The following TTC12 variants were observed in gnomAD, a reference collection of about 807,000 sequenced individuals.
TTC12 encodes tetratricopeptide repeat domain 12.
In TTC12, 70 loss-of-function variants were observed where a neutral mutation model predicts 90.1. That is an observed-to-expected ratio of 0.78 (90% confidence interval 0.64 to 0.95). The LOEUF (loss-of-function observed/expected upper bound fraction) is 0.95. TTC12 is among the 40% of genes least tolerant of loss of function. The probability of loss-of-function intolerance (pLI) is 0.00; values close to 1 mark genes in which losing one functional copy is unlikely to be tolerated. For synonymous variants in TTC12, 296 were observed against 311.5 expected (o/e 0.95, Z 0.53); for missense variants, 819 against 846.1 (o/e 0.97, Z 0.40).
chr11:113,354,830 T>C (rs1013158158), intron 16 of TTC12, among the ~76,000 whole-genome samples: 3 of 152,190 alleles, frequency 2.0e-5, no homozygotes, highest in African/African-American at 7.2e-5. Flanking sequence ...ATGGATGAGC[T>C]TTTTGATGTG....
At position 113,351,225 on chromosome 11, in the gene TTC12, T is replaced by C; in HGVS notation, c.1248-14T>C. On this transcript the variant is annotated splice_polypyrimidine_tract_variant and intron_variant, in intron 14 of 21. Transcript: ENST00000529221. ...CAATGTAAAAATAAATCCTGGCTGA[T>C]GGTTTCTCAACAGATTCCAAGTCTG... The C allele has an allele frequency of 1.2e-6, 2 of 1,613,278 alleles. No individual in the cohort carries two copies. The highest frequency in any genetic ancestry group is 2.2e-5 in the South Asian group (2 of 91,070).
intron 15 of TTC12, among the ~76,000 whole-genome samples, chr11:113,351,654 T>C (rs1285285428): frequency 2.6e-5 from 4 of 152,190 alleles, no homozygotes; most frequent in Non-Finnish European, 5.9e-5. Flanking sequence ...TGTAGCAATT[T>C]GAGCTGATAA....
chr11:113,350,277 A>C, intron 14 of TTC12, 112 bp downstream of exon 14: 5 of 797,002 alleles, frequency 6.3e-6, no homozygotes, highest in East Asian at 2.7e-5. Flanking sequence ...CCAAGTGAGT[A>C]TTGCAAGATT....
In TTC12 at chr11:113,344,318, GT is replaced by G; in HGVS notation, c.1034del (p.Leu345TrpfsTer32). 6.2e-7 allele frequency: 1 copy of G among 1,614,178 alleles called. No individual in the cohort carries two copies. Among genetic ancestry groups the G allele is most frequent in the Non-Finnish European group, 8.5e-7 (1 of 1,179,996 alleles). On this transcript the variant is annotated frameshift_variant, in exon 13 of 22. Transcript: ENST00000529221. LOFTEE classifies it high-confidence loss of function. ...TGATACACCATGACAGGGCCAGGCTGTTGGCCGCCCTCTTGTCCTCCAAGGT... is the reference window on the plus strand; with the variant it reads ...TGATACACCATGACAGGGCCAGGCTGTGGCCGCCCTCTTGTCCTCCAAGGT... ...LVIHHDRARL[L>X]AALLSSKVLA...
chr11:113,370,614 T>A (rs568143294), downstream of TTC12, among the ~76,000 whole-genome samples: 1 of 152,264 alleles, frequency 6.6e-6, no homozygotes, highest in Non-Finnish European at 1.5e-5. Context: ...GATTTTGCCC[T>A]GGGGCTGGAT....
Position 113,329,984 on chromosome 11 carries a change from G to C in TTC12, c.504+5G>C. The C allele has an allele frequency of 6.2e-7, 1 of 1,611,586 alleles. No homozygotes were observed. The highest frequency in any genetic ancestry group is 8.5e-7 in the Non-Finnish European group (1 of 1,177,640). ...GATTGTGAGTGGGCTCTCAAGGTAA[G>C]AGGGTATTTCTTTTCCCACATGATA... On this transcript the variant is annotated splice_donor_5th_base_variant and intron_variant, in intron 7 of 21. Transcript: ENST00000529221.
At chr11:113,334,932 T>C (rs782222623) in intron 7 of TTC12, 34 bp from the exon 8 acceptor site, 6 of 1,579,710 alleles carry the variant, frequency 3.8e-6, no homozygotes, top group Non-Finnish European at 5.2e-6. Context: ...TCACATCTTC[T>C]AAAACTTCTG....
At chr11:113,349,377 T>G (rs868977232) in intron 13 of TTC12, among the ~76,000 whole-genome samples, 1 of 152,236 alleles carries the variant, frequency 6.6e-6, no homozygotes, top group African/African-American at 2.4e-5. Flanking sequence ...AATGCAAGTT[T>G]GCTGGATGAA....
At chr11:113,364,753 C>G in intron 20 of TTC12, 82 bp from the exon 21 acceptor site, 1 of 1,141,338 alleles carries the variant, frequency 8.8e-7, no homozygotes, top group South Asian at 1.3e-5. Flanking sequence ...GCTGACATCT[C>G]CCTGCACCCC....
chr11:113,322,697 C>T (rs1555139052), intron 2 of TTC12, among the ~76,000 whole-genome samples: 3 of 152,118 alleles, frequency 2.0e-5, no homozygotes. Context: ...CATAGCATTC[C>T]TAATGCAGAC....
At chr11:113,367,694 G>A (rs916053062), downstream of TTC12, among the ~76,000 whole-genome samples, 1 of 146,224 alleles carries the variant, frequency 6.8e-6, no homozygotes, top group African/African-American at 2.6e-5. Flanking sequence ...TTTCTGAAAC[G>A]GAGATAAATA....
chr11:113,363,844 C>A lies in TTC12; in HGVS notation c.1733C>A (p.Ala578Glu). 1 of 1,611,924 alleles carries A rather than the reference C, an allele frequency of 6.2e-7. No homozygotes were observed. The highest frequency in any genetic ancestry group is 8.5e-7 in the Non-Finnish European group (1 of 1,178,216). The change falls in exon 20 of 22, where the codon GCA (alanine) becomes GAA (glutamate). Residue 578 changes from alanine (A) to glutamate (E), a missense_variant. Coordinates refer to ENST00000529221, the MANE Select transcript of TTC12 (RefSeq NM_017868.4). ...MKFLKTGGET[A>E]SRYAIKILAI... Reference sequence around the variant, plus strand: ...GAAATCTAGACAGGAGGTGAGACTGCATCACGTTATGCTATAAAGATACTA... The same window carrying A: ...GAAATCTAGACAGGAGGTGAGACTGAATCACGTTATGCTATAAAGATACTA...
intron 3 of TTC12, among the ~76,000 whole-genome samples, chr11:113,323,739 C>T (rs573738000): frequency 5.3e-5 from 8 of 152,200 alleles, no homozygotes; most frequent in African/African-American, 1.9e-4. Flanking sequence ...TAACTCATTT[C>T]CAACTCATAA....
intron 14 of TTC12, 147 bp from the exon 15 acceptor site, chr11:113,351,092 C>T: frequency 1.6e-6 from 1 of 612,288 alleles, no homozygotes; most frequent in Non-Finnish European, 2.8e-6. Context: ...CAGTGACATG[C>T]TTTTTTCTTT....
intron 21 of TTC12, among the ~76,000 whole-genome samples, chr11:113,372,273 C>T (rs1950406401): frequency 6.6e-6 from 1 of 152,192 alleles, no homozygotes; most frequent in African/African-American, 2.4e-5. Flanking sequence ...AAGACAGGTG[C>T]TGGATTTAGT....
rs555704558 is a variant in TTC12, at chr11:113,344,355, C to T, written c.1069C>T (p.Arg357Trp). 2.2e-5 allele frequency: 36 copies of T among 1,614,102 alleles called. No homozygotes were observed. In the South Asian group the frequency reaches 3.1e-4, roughly 14 times the overall value. ...CTTGTCCTCCAAGGTCCTGGCCATCCGGCAGCAGAGCTTTGCCCTGCTGCT... is the reference window on the plus strand; with the variant it reads ...CTTGTCCTCCAAGGTCCTGGCCATCTGGCAGCAGAGCTTTGCCCTGCTGCT... ...ALLSSKVLAI[R>W]QQSFALLLHL... is the part of the protein sequence containing the mutation. Residue 357 changes from arginine (R) to tryptophan (W), a missense_variant, in exon 13 of 22, where the codon CGG becomes TGG. Transcript: ENST00000529221.
At position 113,329,976 on chromosome 11, in the gene TTC12, C is replaced by G; in HGVS notation, c.501C>G (p.Leu167=). 6.2e-7 allele frequency: 1 copy of G among 1,612,358 alleles called. No individual in the cohort carries two copies. Among genetic ancestry groups the G allele is most frequent in the South Asian group, 1.1e-5 (1 of 91,034 alleles). ...CACTGGTGGATTGTGAGTGGGCTCT[C>G]AAGGTAAGAGGGTATTTCTTTTCCC... ...EKALVDCEWA[L]KCDEKCTKAY... is the part of the protein sequence containing the mutation. Residue 167 remains leucine, a synonymous_variant, in exon 7 of 22, where the codon CTC becomes CTG. Transcript: ENST00000529221.
intron 2 of TTC12, among the ~76,000 whole-genome samples, chr11:113,320,721 G>T (rs1199927829): frequency 5.9e-5 from 9 of 152,252 alleles, no homozygotes; most frequent in Non-Finnish European, 1.2e-4. Flanking sequence ...GCAGATGGCA[G>T]GGCTAAAAGG....
intron 14 of TTC12, 69 bp from the exon 15 acceptor site, chr11:113,351,170 T>A (rs1591599291): frequency 7.0e-7 from 1 of 1,433,678 alleles, no homozygotes; most frequent in Admixed American, 1.7e-5. Context: ...ATTAACTATC[T>A]GAGACACTGT....
Sources: gnomAD v4.1 joint callset for allele counts (sites outside exome capture counted in the v4.1 genomes callset) on GRCh38, gnomAD v4.1.1 for gene constraint, MANE v1.5 for transcripts, NCBI Gene and HGNC (gene_info 2026-07-23, HGNC 2026-07-21) for gene names.